The following NXPH1 variants were observed in gnomAD, a reference collection of about 807,000 sequenced individuals.
The protein encoded by NXPH1 is neurexophilin-1.
Under a neutral mutation model 23.7 loss-of-function variants are expected in NXPH1, and 5 were observed. That is an observed-to-expected ratio of 0.21 (90% confidence interval 0.11 to 0.44). The LOEUF (loss-of-function observed/expected upper bound fraction) is 0.44. Ranked by LOEUF, NXPH1 falls within the 20% of genes least tolerant of loss-of-function variation. NXPH1 has a pLI of 0.99. For synonymous variants in NXPH1, 144 were observed against 122.2 expected, an observed-to-expected ratio of 1.18 and a Z score of -1.18; for missense variants, 324 against 321.6, an observed-to-expected ratio of 1.01 and a Z score of -0.06.
intron 2 of NXPH1, among the ~76,000 whole-genome samples, chr7:8,667,905 T>C (rs1217112977): frequency 6.6e-6 from 1 of 152,094 alleles, no homozygotes; most frequent in Non-Finnish European, 1.5e-5. Flanking sequence ...TCTGATTGTA[T>C]ATTTTAAAAT....
intron 2 of NXPH1, among the ~76,000 whole-genome samples, chr7:8,437,753 C>A (rs1011972141): frequency 7.2e-5 from 11 of 152,208 alleles, no homozygotes; most frequent in African/African-American, 2.4e-4. Context: ...TAATTGTAAA[C>A]TGGGAGCATT....
At chr7:8,572,941 T>G (rs1818678491) in intron 2 of NXPH1, among the ~76,000 whole-genome samples, 1 of 151,958 alleles carries the variant, frequency 6.6e-6, no homozygotes, top group South Asian at 2.1e-4. Context: ...AACCTCAGTA[T>G]GTTATTTTTT....
intron 2 of NXPH1, among the ~76,000 whole-genome samples, chr7:8,461,843 A>AAAAAAAAAAAAAAAAAAAG (rs758426131): frequency 4.4e-3 from 533 of 121,176 alleles, no homozygotes; most frequent in East Asian, 0.017. Context: ...TCTCAAAAAA[A>AAAAAAAAAAAAAAAAAAAG]AAAAAAAAGA....
At chr7:8,590,366 CAAGGCTGTATCT>C (rs1225471107) in intron 2 of NXPH1, among the ~76,000 whole-genome samples, 1 of 152,084 alleles carries the variant, frequency 6.6e-6, no homozygotes, top group Non-Finnish European at 1.5e-5. Flanking sequence ...TGCTTCCAAT[CAAGGCTGTATCT>C]AAGCCATATA....
intron 2 of NXPH1, among the ~76,000 whole-genome samples, chr7:8,443,903 C>T (rs1816352237): frequency 6.6e-6 from 1 of 152,168 alleles, no homozygotes; most frequent in Non-Finnish European, 1.5e-5. Context: ...CATTCTCACA[C>T]AACGTTGCCC....
intron 2 of NXPH1, among the ~76,000 whole-genome samples, chr7:8,478,416 A>C (rs1584182602): frequency 6.6e-6 from 1 of 152,128 alleles, no homozygotes; most frequent in Non-Finnish European, 1.5e-5. Context: ...AGAAAGAATA[A>C]ACATAAAACC....
At chr7:8,747,505 A>G (rs1780491288) in intron 2 of NXPH1, among the ~76,000 whole-genome samples, 1 of 152,202 alleles carries the variant, frequency 6.6e-6, no homozygotes, top group African/African-American at 2.4e-5. Flanking sequence ...TAGCCAGTGC[A>G]TCATGAAAGC....
At chr7:8,710,746 T>G (rs1015747827) in intron 2 of NXPH1, among the ~76,000 whole-genome samples, 2 of 103,934 alleles carry the variant, frequency 1.9e-5, no homozygotes, top group Admixed American at 2.3e-4. Flanking sequence ...CACTGCAAGC[T>G]CCGCTTCCCG....
intron 2 of NXPH1, among the ~76,000 whole-genome samples, chr7:8,542,138 AAG>A (rs1286856908): frequency 2.6e-5 from 4 of 151,362 alleles, no homozygotes; most frequent in Non-Finnish European, 4.4e-5. Context: ...TAAGAAAAAA[AAG>A]AAAAAATATA....
chr7:8,488,974 A>T (rs889886873), intron 2 of NXPH1, among the ~76,000 whole-genome samples: 1 of 152,108 alleles, frequency 6.6e-6, no homozygotes, highest in African/African-American at 2.4e-5. Context: ...TTAATGTCCC[A>T]ATACTAATTG....
At chr7:8,574,428 A>G (rs1272278341) in intron 2 of NXPH1, among the ~76,000 whole-genome samples, 1 of 151,966 alleles carries the variant, frequency 6.6e-6, no homozygotes, top group Non-Finnish European at 1.5e-5. Flanking sequence ...CTCATCACAT[A>G]GATGTTTTTA....
At chr7:8,496,461 A>G (rs114078308) in intron 2 of NXPH1, among the ~76,000 whole-genome samples, 2,486 of 152,186 alleles carry the variant, frequency 0.016, 81 homozygotes, top group African/African-American at 0.057. Flanking sequence ...AATTTACAGC[A>G]ATAGTAATTG....
intron 2 of NXPH1, among the ~76,000 whole-genome samples, chr7:8,532,730 G>A (rs894964706): frequency 2.6e-5 from 4 of 152,130 alleles, no homozygotes; most frequent in East Asian, 3.9e-4. Context: ...CGTCATTTGC[G>A]CCCTGGGTGA....
chr7:8,612,022 T>A (rs1819631506), intron 2 of NXPH1, among the ~76,000 whole-genome samples: 2 of 152,106 alleles, frequency 1.3e-5, no homozygotes, highest in Non-Finnish European at 2.9e-5. Context: ...TTTCTTGAAG[T>A]TTCCAGAGTA....
intron 2 of NXPH1, among the ~76,000 whole-genome samples, chr7:8,733,750 T>G (rs1409421488): frequency 6.6e-6 from 1 of 152,238 alleles, no homozygotes; most frequent in Non-Finnish European, 1.5e-5. Flanking sequence ...TAAATTTGTT[T>G]AAGTTATTTG....
intron 2 of NXPH1, among the ~76,000 whole-genome samples, chr7:8,685,972 A>G (rs951523887): frequency 2.0e-5 from 3 of 152,172 alleles, no homozygotes; most frequent in Non-Finnish European, 2.9e-5. Flanking sequence ...GGATACTCCA[A>G]TTCTCCATGA....
chr7:8,479,349 T>C (rs1449842307), intron 2 of NXPH1, among the ~76,000 whole-genome samples: 2 of 152,158 alleles, frequency 1.3e-5, no homozygotes, highest in African/African-American at 4.8e-5. Context: ...AGTAATTATG[T>C]GATTTTCTAA....
chr7:8,569,127 CATT>C (rs1818602029), intron 2 of NXPH1, among the ~76,000 whole-genome samples: 1 of 151,852 alleles, frequency 6.6e-6, no homozygotes, highest in Non-Finnish European at 1.5e-5. Flanking sequence ...GATTACCAGA[CATT>C]ATGTGCATTC....
intron 2 of NXPH1, among the ~76,000 whole-genome samples, chr7:8,559,718 T>C (rs1214709006): frequency 6.6e-6 from 1 of 151,668 alleles, no homozygotes. Flanking sequence ...TTTAGGTCCG[T>C]AAACTTCACC....
Sources: allele counts gnomAD v4.1 joint callset (sites outside exome capture counted in the v4.1 genomes callset), GRCh38; gene constraint gnomAD v4.1.1; transcripts MANE v1.5; gene names NCBI Gene and HGNC (gene_info 2026-07-23, HGNC 2026-07-21).